The following ADAMTS18 variants were observed in gnomAD, a reference collection of about 807,000 sequenced individuals.
ADAMTS18 encodes the protein A disintegrin and metalloproteinase with thrombospondin motifs 18.
Under a neutral mutation model 165.9 loss-of-function variants are expected in ADAMTS18, and 157 were observed. The ratio of observed to expected loss-of-function variants is 0.95; its 90% confidence interval spans 0.83 to 1.08. ADAMTS18 has a LOEUF of 1.08. Ranked by LOEUF, ADAMTS18 falls within the 50% of genes least tolerant of loss-of-function variation. The pLI, the probability that ADAMTS18 is intolerant of heterozygous loss-of-function variation, is 0.00. For synonymous variants in ADAMTS18, 782 were observed against 578.2 expected (o/e 1.35, Z -5.06); for missense variants, 2,040 against 1,534.0 (o/e 1.33, Z -5.51).
At chr16:77,433,989 G>A (rs2057767187) in intron 2 of ADAMTS18, among the ~76,000 whole-genome samples, 2 of 152,082 alleles carry the variant, frequency 1.3e-5, no homozygotes, top group African/African-American at 4.8e-5. Context: ...AGGAACAGAA[G>A]TCGAGAGAAA....
chr16:77,424,841 C>G (rs1049314656), intron 3 of ADAMTS18, among the ~76,000 whole-genome samples: 6 of 152,254 alleles, frequency 3.9e-5, no homozygotes, highest in African/African-American at 1.2e-4. Context: ...CTCAAGTGAC[C>G]GAAAAGCTCC....
intron 3 of ADAMTS18, among the ~76,000 whole-genome samples, chr16:77,392,914 G>C (rs570420699): frequency 3.9e-5 from 6 of 152,158 alleles, no homozygotes; most frequent in Non-Finnish European, 8.8e-5. Flanking sequence ...CTTGATGAGT[G>C]GGCTGGCAGA....
chr16:77,394,370 G>C (rs970686260), intron 3 of ADAMTS18, among the ~76,000 whole-genome samples: 1 of 152,126 alleles, frequency 6.6e-6, no homozygotes, highest in African/African-American at 2.4e-5. Flanking sequence ...CCGAGCTTCA[G>C]GGATCTTATT....
intron 3 of ADAMTS18, among the ~76,000 whole-genome samples, chr16:77,387,194 G>T (rs922280410): frequency 6.6e-6 from 1 of 152,252 alleles, no homozygotes; most frequent in Admixed American, 6.5e-5. Context: ...TGCTGTCATC[G>T]ATTTTCTTGG....
At chr16:77,424,689 G>A (rs1240192042) in intron 3 of ADAMTS18, among the ~76,000 whole-genome samples, 2 of 152,014 alleles carry the variant, frequency 1.3e-5, no homozygotes, top group East Asian at 3.9e-4. Context: ...AGAGAAGCCA[G>A]AACAAAATAA....
At chr16:77,416,463 T>C (rs972668982) in intron 3 of ADAMTS18, among the ~76,000 whole-genome samples, 2 of 151,972 alleles carry the variant, frequency 1.3e-5, no homozygotes, top group African/African-American at 4.8e-5. Flanking sequence ...ATGGGGGTGG[T>C]TTTCCCCATA....
chr16:77,403,516 GAGA>G (rs1567543773), intron 3 of ADAMTS18, among the ~76,000 whole-genome samples: 3 of 152,150 alleles, frequency 2.0e-5, no homozygotes, highest in African/African-American at 4.8e-5. Context: ...AATGGGAGGA[GAGA>G]AGGTTTAGGG....
intron 3 of ADAMTS18, among the ~76,000 whole-genome samples, chr16:77,390,799 A>C (rs1378731114): frequency 1.3e-5 from 2 of 152,126 alleles, no homozygotes; most frequent in Non-Finnish European, 2.9e-5. Flanking sequence ...GTCACTACCC[A>C]TATGTGGTTA....
intron 13 of ADAMTS18, among the ~76,000 whole-genome samples, chr16:77,325,035 T>A (rs1217153654): frequency 6.6e-6 from 1 of 152,210 alleles, no homozygotes; most frequent in Non-Finnish European, 1.5e-5. Context: ...ATGCCTGTAA[T>A]TATATTAGCT....
At chr16:77,361,658 C>T (rs528704436) in intron 7 of ADAMTS18, among the ~76,000 whole-genome samples, 13 of 152,200 alleles carry the variant, frequency 8.5e-5, no homozygotes, top group Admixed American at 5.9e-4. Context: ...CCAAGGCGGG[C>T]GGAACACCTG....
intron 3 of ADAMTS18, among the ~76,000 whole-genome samples, chr16:77,423,142 C>G (rs1228985165): frequency 6.6e-6 from 1 of 152,176 alleles, no homozygotes; most frequent in East Asian, 1.9e-4. Flanking sequence ...TAAAAAATAT[C>G]CTACACCTCA....
At chr16:77,368,294 G>C (rs906443191) in intron 3 of ADAMTS18, among the ~76,000 whole-genome samples, 7 of 152,156 alleles carry the variant, frequency 4.6e-5, no homozygotes, top group Non-Finnish European at 7.3e-5. Context: ...CCTGATGTTT[G>C]TGCCTGAAGG....
chr16:77,307,842 C>A (rs1247397707), intron 16 of ADAMTS18, among the ~76,000 whole-genome samples: 3 of 152,092 alleles, frequency 2.0e-5, no homozygotes, highest in Non-Finnish European at 4.4e-5. Context: ...GAGAATTCAG[C>A]AGGCAGGGTC....
intron 17 of ADAMTS18, among the ~76,000 whole-genome samples, chr16:77,298,834 T>C (rs2055525988): frequency 6.6e-6 from 1 of 152,210 alleles, no homozygotes; most frequent in Non-Finnish European, 1.5e-5. Flanking sequence ...TCCTTGAAGT[T>C]AACCGTTGAC....
At chr16:77,330,932 G>GA (rs2056178630) in intron 12 of ADAMTS18, among the ~76,000 whole-genome samples, 1 of 152,072 alleles carries the variant, frequency 6.6e-6, no homozygotes, top group Non-Finnish European at 1.5e-5. Context: ...GAAATAGGGA[G>GA]AAAAAACAGC....
chr16:77,416,166 G>C (rs536118497), intron 3 of ADAMTS18, among the ~76,000 whole-genome samples: 2 of 152,304 alleles, frequency 1.3e-5, no homozygotes, highest in East Asian at 3.9e-4. Context: ...ATAGGGAACT[G>C]AGGGAAGAAA....
At chr16:77,404,778 G>A (rs1489391426) in intron 3 of ADAMTS18, among the ~76,000 whole-genome samples, 3 of 152,120 alleles carry the variant, frequency 2.0e-5, no homozygotes, top group Non-Finnish European at 2.9e-5. Context: ...AAGCTGCAAA[G>A]ATGAGAATAA....
intron 7 of ADAMTS18, among the ~76,000 whole-genome samples, chr16:77,361,817 G>A (rs1567512971): frequency 6.6e-6 from 1 of 152,126 alleles, no homozygotes; most frequent in Non-Finnish European, 1.5e-5. Context: ...CCAGGAGGCG[G>A]AGGTTGTAGT....
chr16:77,297,309 G>T lies in ADAMTS18; in HGVS notation c.2781C>A (p.Asn927Lys), dbSNP rs377074746. The T allele has an allele frequency of 1.9e-6, 3 of 1,614,154 alleles. No individual in the cohort carries two copies. The highest frequency in any genetic ancestry group is 1.7e-6 in the Non-Finnish European group (2 of 1,180,010). Residue 927 changes from asparagine to lysine, a missense_variant, in exon 18 of 23, where the codon AAC becomes AAA. Coordinates refer to ENST00000282849, the MANE Select transcript of ADAMTS18 (RefSeq NM_199355.4). ...TKPVTEPKIC[N>K]AFSCPAYWMP... is the part of the protein sequence containing the mutation. Reference sequence around the variant, plus strand: ...CTTACTAAGCCGGGCAGGAGAAAGCGTTGCAGATTTTGGGCTCAGTTACTG... The same window carrying T: ...CTTACTAAGCCGGGCAGGAGAAAGCTTTGCAGATTTTGGGCTCAGTTACTG...
Sources: allele counts gnomAD v4.1 joint callset (sites outside exome capture counted in the v4.1 genomes callset), GRCh38; gene constraint gnomAD v4.1.1; transcripts MANE v1.5; gene names NCBI Gene and HGNC (gene_info 2026-07-23, HGNC 2026-07-21).